The following DLGAP2 variants were observed in gnomAD, a reference collection of about 807,000 sequenced individuals.
DLGAP2 encodes the protein DLG associated protein 2, also known as disks large-associated protein 2.
DLGAP2 carries 26 observed loss-of-function variants against 100.3 expected under a neutral mutation model. The observed-to-expected ratio is 0.26, with a 90% CI of 0.19 to 0.36. DLGAP2 has a LOEUF of 0.36. Among genes scored for constraint, DLGAP2 ranks in the 10% least tolerant of loss-of-function variants. The pLI is 1.00. For synonymous variants in DLGAP2, 886 were observed against 630.1 expected, an observed-to-expected ratio of 1.41 and a Z score of -6.08; for missense variants, 1,858 against 1,453.2, an observed-to-expected ratio of 1.28 and a Z score of -4.53.
intron 3 of DLGAP2, among the ~76,000 whole-genome samples, chr8:1,481,471 C>CT (rs1165790168): frequency 0.13 from 5,596 of 43,942 alleles, 381 homozygotes; most frequent in Non-Finnish European, 0.15. Context: ...TTTTCTTTTT[C>CT]TTTTTTTTTT....
chr8:1,543,360 T>C (rs1380005349), intron 4 of DLGAP2, among the ~76,000 whole-genome samples: 3 of 152,226 alleles, frequency 2.0e-5, no homozygotes, highest in Non-Finnish European at 4.4e-5. Flanking sequence ...TTGAGTTCAT[T>C]TTTGCAGATT....
At chr8:742,425 A>G (rs1820511036) in intron 1 of DLGAP2, among the ~76,000 whole-genome samples, 1 of 152,250 alleles carries the variant, frequency 6.6e-6, no homozygotes, top group Non-Finnish European at 1.5e-5. Flanking sequence ...TCAAGGGTCC[A>G]TAGAGTATGT....
intron 5 of DLGAP2, among the ~76,000 whole-genome samples, chr8:1,550,745 C>G (rs1459544647): frequency 6.6e-6 from 1 of 152,226 alleles, no homozygotes; most frequent in African/African-American, 2.4e-5. Flanking sequence ...CTCTCTGTCT[C>G]TGAATTGTGC....
intron 3 of DLGAP2, among the ~76,000 whole-genome samples, chr8:1,486,659 C>G (rs776135047): frequency 6.6e-6 from 1 of 152,214 alleles, no homozygotes; most frequent in African/African-American, 2.4e-5. Flanking sequence ...TCTCCTCTTG[C>G]TCTTCCAACT....
chr8:1,620,048 C>T (rs1433890164), intron 6 of DLGAP2, among the ~76,000 whole-genome samples: 2 of 152,146 alleles, frequency 1.3e-5, no homozygotes, highest in Admixed American at 6.5e-5. Flanking sequence ...TGCTTCATCC[C>T]CCCATCCAAG....
At chr8:1,440,650 G>T (rs1206355815) in intron 3 of DLGAP2, among the ~76,000 whole-genome samples, 1 of 152,240 alleles carries the variant, frequency 6.6e-6, no homozygotes, top group Non-Finnish European at 1.5e-5. Context: ...TGCTGAACTA[G>T]TGACCGGCTG....
At chr8:1,602,589 C>T (rs545261034) in intron 6 of DLGAP2, among the ~76,000 whole-genome samples, 20 of 152,358 alleles carry the variant, frequency 1.3e-4, no homozygotes, top group Admixed American at 1.1e-3. Context: ...TTCAGACCGT[C>T]CCAGGCAATG....
chr8:801,290 C>G (rs1426792962), intron 1 of DLGAP2, among the ~76,000 whole-genome samples: 2 of 152,214 alleles, frequency 1.3e-5, no homozygotes, highest in African/African-American at 4.8e-5. Flanking sequence ...AAAAGCATCT[C>G]CGTGAGGAGA....
intron 6 of DLGAP2, among the ~76,000 whole-genome samples, chr8:1,598,637 C>T (rs911489048): frequency 1.3e-5 from 2 of 152,046 alleles, no homozygotes; most frequent in African/African-American, 2.4e-5. Context: ...TCTAGATTTT[C>T]TAGTTTATTT....
chr8:1,318,778 G>GCCCCCCCCCCCCCCCCTCC (rs34614425), intron 3 of DLGAP2, among the ~76,000 whole-genome samples: 1 of 105,574 alleles, frequency 9.5e-6, no homozygotes, highest in Non-Finnish European at 1.8e-5. Context: ...TCAGTGATCA[G>GCCCCCCCCCCCCCCCCTCC]CCCCCCCCCC....
chr8:1,494,273 A>G (rs1799480933), intron 3 of DLGAP2, among the ~76,000 whole-genome samples: 1 of 152,256 alleles, frequency 6.6e-6, no homozygotes, highest in African/African-American at 2.4e-5. Flanking sequence ...TGAAGGCTTA[A>G]CTGCTTCCTT....
chr8:1,568,832 C>T (rs1365721439), intron 6 of DLGAP2, among the ~76,000 whole-genome samples: 18 of 138,356 alleles, frequency 1.3e-4, no homozygotes, highest in African/African-American at 1.1e-4. Context: ...GACACAAATC[C>T]GTCTCTGCCT....
chr8:1,362,781 C>T (rs1018340218), intron 3 of DLGAP2, among the ~76,000 whole-genome samples: 1 of 152,212 alleles, frequency 6.6e-6, no homozygotes, highest in African/African-American at 2.4e-5. Flanking sequence ...TTCTTTGACC[C>T]CATGCATTTG....
chr8:1,494,659 T>A (rs1406773205), intron 3 of DLGAP2, among the ~76,000 whole-genome samples: 1 of 150,502 alleles, frequency 6.6e-6, no homozygotes, highest in African/African-American at 2.5e-5. Context: ...TCCCGGGAGG[T>A]GGAGGTTACA....
intron 4 of DLGAP2, among the ~76,000 whole-genome samples, chr8:1,532,776 C>A (rs1243412388): frequency 6.6e-6 from 1 of 152,206 alleles, no homozygotes; most frequent in East Asian, 1.9e-4. Flanking sequence ...TTTCTACTGA[C>A]GTCAGTTAGG....
chr8:1,164,654 G>A lies in DLGAP2; in HGVS notation c.74-94197G>A, dbSNP rs1179278591. ...AGAACCGCCAGGGCCTGTCTCTAAGGCCCTTGCCTGAAATTGAGCTGCATT... is the reference window on the plus strand; with the variant it reads ...AGAACCGCCAGGGCCTGTCTCTAAGACCCTTGCCTGAAATTGAGCTGCATT... On this transcript the variant is annotated intron_variant, in intron 2 of 14. Coordinates refer to ENST00000637795, the MANE Select transcript of DLGAP2 (RefSeq NM_001346810.2). 3.4e-4 allele frequency among the ~76,000 whole-genome samples: 52 copies of A among 152,318 alleles called. 1 individual carries two copies. The highest frequency in any genetic ancestry group is 3.4e-3 in the Admixed American group (52 of 15,306).
chr8:1,413,135 C>T (rs192447366), intron 3 of DLGAP2, among the ~76,000 whole-genome samples: 62 of 152,300 alleles, frequency 4.1e-4, no homozygotes, highest in African/African-American at 1.4e-3. Flanking sequence ...CTATTTGCCC[C>T]TCTGTGTTTT....
chr8:1,486,971 C>G (rs17063956), intron 3 of DLGAP2, among the ~76,000 whole-genome samples: 1 of 152,066 alleles, frequency 6.6e-6, no homozygotes, highest in Non-Finnish European at 1.5e-5. Context: ...AATATTGGGG[C>G]CCGCCAAGCT....
At chr8:1,286,020 A>C (rs556339886) in intron 3 of DLGAP2, among the ~76,000 whole-genome samples, 4 of 152,092 alleles carry the variant, frequency 2.6e-5, no homozygotes, top group African/African-American at 9.7e-5. Flanking sequence ...TAATTCACCA[A>C]CTGATATGGT....
Sources: gnomAD v4.1 joint callset for allele counts (sites outside exome capture counted in the v4.1 genomes callset) on GRCh38, gnomAD v4.1.1 for gene constraint, MANE v1.5 for transcripts, NCBI Gene and HGNC (gene_info 2026-07-23, HGNC 2026-07-21) for gene names.